The following SOX5 variants were observed in gnomAD, a reference collection of about 807,000 sequenced individuals.
The protein encoded by SOX5 is SRY-box transcription factor 5, also known as transcription factor SOX-5.
SOX5 carries 9 observed loss-of-function variants against 92.0 expected under a neutral mutation model. The observed-to-expected ratio is 0.10, with a 90% CI of 0.06 to 0.17. The LOEUF is 0.17. Among genes scored for constraint, SOX5 ranks in the 10% least tolerant of loss-of-function variants. SOX5 has a pLI of 1.00. For synonymous variants in SOX5, 344 were observed against 336.3 expected (o/e 1.02, Z -0.25); for missense variants, 642 against 944.5 (o/e 0.68, Z 4.20).
intron 4 of SOX5, among the ~76,000 whole-genome samples, chr12:24,188,459 A>G (rs1956220309): frequency 6.6e-6 from 1 of 152,194 alleles, no homozygotes; most frequent in Admixed American, 6.5e-5. Flanking sequence ...TGTGAAAAAG[A>G]AGGCATTATT....
chr12:24,027,986 T>TTAC (rs1281567544), intron 4 of SOX5, among the ~76,000 whole-genome samples: 2 of 152,024 alleles, frequency 1.3e-5, no homozygotes, highest in Non-Finnish European at 2.9e-5. Flanking sequence ...GTGCTCCCTG[T>TTAC]TACTCTGTAT....
intron 4 of SOX5, among the ~76,000 whole-genome samples, chr12:24,116,430 G>C (rs138083838): frequency 2.0e-5 from 3 of 152,056 alleles, no homozygotes; most frequent in African/African-American, 7.2e-5. Flanking sequence ...TCTCAAGGCA[G>C]ATTTTTGTAA....
At chr12:23,884,586 C>T (rs1042801940) in intron 2 of SOX5, among the ~76,000 whole-genome samples, 17 of 152,142 alleles carry the variant, frequency 1.1e-4, no homozygotes, top group Admixed American at 4.6e-4. Context: ...ACAAGTATTT[C>T]TAAAGGCTGT....
At chr12:23,846,696 A>G (rs532662287) in intron 2 of SOX5, among the ~76,000 whole-genome samples, 92 of 152,168 alleles carry the variant, frequency 6.0e-4, no homozygotes, top group Non-Finnish European at 1.2e-3. Flanking sequence ...CCTCTTCTTG[A>G]TAATACTCTA....
chr12:24,261,938 A>G (rs753163303), intron 3 of SOX5, among the ~76,000 whole-genome samples: 13 of 152,250 alleles, frequency 8.5e-5, no homozygotes, highest in Non-Finnish European at 1.8e-4. Context: ...TCAGATCGTG[A>G]AAATAAAAAT....
At chr12:24,307,889 C>G (rs912296649) in intron 2 of SOX5, among the ~76,000 whole-genome samples, 1 of 152,078 alleles carries the variant, frequency 6.6e-6, no homozygotes, top group Non-Finnish European at 1.5e-5. Flanking sequence ...CAGGCATGAA[C>G]AGGGCAGGAG....
At chr12:23,584,678 G>C (rs1383188899) in intron 9 of SOX5, 26 of 1,113,764 alleles carry the variant, frequency 2.3e-5, no homozygotes, top group Non-Finnish European at 3.1e-5. Flanking sequence ...TTTGGGAGAT[G>C]AGTGAAGGCC....
At chr12:23,788,130 A>G (rs563921061) in intron 3 of SOX5, among the ~76,000 whole-genome samples, 1 of 152,070 alleles carries the variant, frequency 6.6e-6, no homozygotes, top group South Asian at 2.1e-4. Flanking sequence ...TTATCATTTA[A>G]AAAAACAAAA....
chr12:24,539,782 T>G (rs1399231867), intron 1 of SOX5, among the ~76,000 whole-genome samples: 2 of 152,108 alleles, frequency 1.3e-5, no homozygotes, highest in Non-Finnish European at 2.9e-5. Context: ...GTATATTAAT[T>G]TAGTCCTACT....
intron 1 of SOX5, among the ~76,000 whole-genome samples, chr12:24,510,761 C>T (rs560932483): frequency 2.0e-5 from 3 of 152,248 alleles, no homozygotes; most frequent in South Asian, 4.2e-4. Context: ...AGAGAGGGAA[C>T]GCATGCCAGA....
At chr12:23,965,235 C>T (rs1451172967) in intron 4 of SOX5, among the ~76,000 whole-genome samples, 2 of 152,216 alleles carry the variant, frequency 1.3e-5, no homozygotes, top group African/African-American at 4.8e-5. Context: ...TTGTCCGGAA[C>T]AGGTGGTCAA....
chr12:24,080,694 G>A (rs144218754), intron 4 of SOX5, among the ~76,000 whole-genome samples: 1 of 152,022 alleles, frequency 6.6e-6, no homozygotes, highest in East Asian at 1.9e-4. Context: ...ATTGTTTGCT[G>A]CATTCTGATT....
intron 1 of SOX5, among the ~76,000 whole-genome samples, chr12:24,394,371 A>G (rs1003199912): frequency 6.6e-6 from 1 of 152,184 alleles, no homozygotes; most frequent in African/African-American, 2.4e-5. Context: ...TTCAGGAATC[A>G]TTGCAGAGGC....
At chr12:23,847,316 G>A (rs141975256) in intron 2 of SOX5, among the ~76,000 whole-genome samples, 1 of 152,130 alleles carries the variant, frequency 6.6e-6, no homozygotes, top group African/African-American at 2.4e-5. Flanking sequence ...ATTTGAATGT[G>A]TGCCTATTTA....
chr12:24,471,722 T>A (rs1246530963), intron 1 of SOX5, among the ~76,000 whole-genome samples: 1 of 152,206 alleles, frequency 6.6e-6, no homozygotes, highest in Non-Finnish European at 1.5e-5. Flanking sequence ...GTAAGCATAC[T>A]TTGTACTCCA....
chr12:24,182,529 G>C (rs1955605008), intron 4 of SOX5, among the ~76,000 whole-genome samples: 1 of 151,386 alleles, frequency 6.6e-6, no homozygotes, highest in Non-Finnish European at 1.5e-5. Context: ...TTTTGTTGTT[G>C]TTGATGGAAC....
intron 4 of SOX5, among the ~76,000 whole-genome samples, chr12:24,203,208 C>T (rs565040319): frequency 8.8e-4 from 134 of 152,098 alleles, no homozygotes; most frequent in Non-Finnish European, 1.7e-3. Context: ...TCAAATGTCC[C>T]GAATTTGGAA....
intron 7 of SOX5, among the ~76,000 whole-genome samples, chr12:23,662,251 AG>A (rs1359281961): frequency 1.3e-5 from 2 of 152,238 alleles, no homozygotes; most frequent in African/African-American, 4.8e-5. Flanking sequence ...AAGTATTTTT[AG>A]GATTTTAATA....
At chr12:23,971,707 T>C (rs968421841) in intron 4 of SOX5, among the ~76,000 whole-genome samples, 2 of 152,050 alleles carry the variant, frequency 1.3e-5, no homozygotes, top group Non-Finnish European at 2.9e-5. Flanking sequence ...TTAATAATTC[T>C]CTTATTCTGA....
Sources: gnomAD v4.1 joint callset for allele counts (sites outside exome capture counted in the v4.1 genomes callset) on GRCh38, gnomAD v4.1.1 for gene constraint, MANE v1.5 for transcripts, NCBI Gene and HGNC (gene_info 2026-07-23, HGNC 2026-07-21) for gene names.